EGFLAM: variants seen among roughly 807,000 people sequenced by gnomAD.
EGFLAM encodes the protein pikachurin.
In EGFLAM, 79 loss-of-function variants were observed where a neutral mutation model predicts 113.1. The ratio of observed to expected loss-of-function variants is 0.70; its 90% CI spans 0.58 to 0.84. The LOEUF (loss-of-function observed/expected upper bound fraction) is 0.84, where lower values mean the gene tolerates loss of function less well. Among genes scored for constraint, EGFLAM ranks in the 40% least tolerant of loss-of-function variants. The probability of loss-of-function intolerance (pLI) is 0.00; values close to 1 mark genes in which losing one functional copy is unlikely to be tolerated. For missense variants in EGFLAM, 1,265 were observed against 1,291.6 expected (o/e 0.98, Z 0.32); for synonymous variants, 504 against 487.6 (o/e 1.03, Z -0.44).
intron 17 of EGFLAM, among the ~76,000 whole-genome samples, chr5:38,439,885 C>T (rs1388048856): frequency 1.3e-5 from 2 of 152,188 alleles, no homozygotes; most frequent in Non-Finnish European, 2.9e-5. Flanking sequence ...TTTGTGCTTG[C>T]CGTATATCTA....
At position 38,338,743 on chromosome 5, in the gene EGFLAM, T is replaced by C; in HGVS notation, c.253T>C (p.Leu85=). Residue 85 remains leucine, a synonymous_variant, in exon 3 of 22, where the codon TTG becomes CTG. Transcript: ENST00000322350. ...VGADKSLQEQ[L]HSVPLSRDIP... ...CGCAGATAAATCCCTGCAGGAGCAG[T>C]TGCACAGCGTGCCTCTCAGCCGGGA... 1 of 1,614,252 alleles carries C rather than the reference T, an allele frequency of 6.2e-7. No homozygotes were observed. Among genetic ancestry groups the C allele is most frequent in the Non-Finnish European group, 8.5e-7 (1 of 1,180,040 alleles).
Position 38,299,921 on chromosome 5 carries a change from A to G in EGFLAM, c.98-37599A>G, listed in dbSNP as rs149369964. Among the ~76,000 whole-genome samples the G allele has an allele frequency of 6.3e-4, 96 of 152,326 alleles. 2 individuals are homozygous for G. The East Asian group carries it at 0.016, about 26-fold the overall frequency. ...GGTGTTTGGGATGCCTTAATGAACA[A>G]AAACAGACTCTGTTTTCTGCTGCCA... On this transcript the variant is annotated intron_variant, in intron 1 of 21. Coordinates refer to ENST00000322350, the MANE Select transcript of EGFLAM (RefSeq NM_152403.4).
chr5:38,445,618 A>C, intron 17 of EGFLAM: 4 of 1,598,396 alleles, frequency 2.5e-6, no homozygotes, highest in Non-Finnish European at 3.4e-6. Flanking sequence ...AGTAATTGGG[A>C]TTTGACAAGG....
intron 8 of EGFLAM, 60 bp from the exon 9 acceptor site, chr5:38,407,745 T>C (rs1239891752): frequency 7.6e-7 from 1 of 1,318,770 alleles, no homozygotes; most frequent in Non-Finnish European, 1.1e-6. Context: ...GTATATTGAT[T>C]TTTGCTTTTG....
At chr5:38,417,135 C>T (rs1014118884) in intron 11 of EGFLAM, among the ~76,000 whole-genome samples, 2 of 151,998 alleles carry the variant, frequency 1.3e-5, no homozygotes, top group South Asian at 2.1e-4. Flanking sequence ...AGGTAGATCA[C>T]GAGGTCAGGA....
chr5:38,380,216 G>A (rs568501959), intron 6 of EGFLAM, among the ~76,000 whole-genome samples: 1 of 152,306 alleles, frequency 6.6e-6, no homozygotes, highest in South Asian at 2.1e-4. Context: ...TACTGTTTGG[G>A]CATTTTTCCT....
chr5:38,323,713 C>T (rs532030667), intron 1 of EGFLAM, among the ~76,000 whole-genome samples: 1 of 151,876 alleles, frequency 6.6e-6, no homozygotes, highest in African/African-American at 2.4e-5. Context: ...TCCCACAAGA[C>T]TTCAGAATTA....
intron 1 of EGFLAM, among the ~76,000 whole-genome samples, chr5:38,332,723 C>T (rs1464960284): frequency 6.6e-6 from 1 of 152,192 alleles, no homozygotes; most frequent in Non-Finnish European, 1.5e-5. Flanking sequence ...ATGGGTTGGG[C>T]TAGTTATCTG....
chr5:38,329,063 T>C (rs1003622514), intron 1 of EGFLAM, among the ~76,000 whole-genome samples: 12 of 152,104 alleles, frequency 7.9e-5, no homozygotes, highest in Admixed American at 5.2e-4. Flanking sequence ...GGCGGGAGGA[T>C]TGATTGAGCC....
chr5:38,437,911 G>C (rs1373124013), intron 16 of EGFLAM, among the ~76,000 whole-genome samples: 1 of 152,058 alleles, frequency 6.6e-6, no homozygotes, highest in African/African-American at 2.4e-5. Context: ...ATCACCTGAG[G>C]TCAGGAGTTC....
chr5:38,450,258 G>T (rs1269452418), intron 18 of EGFLAM, among the ~76,000 whole-genome samples: 1 of 152,190 alleles, frequency 6.6e-6, no homozygotes, highest in Non-Finnish European at 1.5e-5. Context: ...GGCAAAGCAG[G>T]TCTCTAGGGA....
At chr5:38,271,707 C>A (rs1561256926) in intron 1 of EGFLAM, among the ~76,000 whole-genome samples, 1 of 152,202 alleles carries the variant, frequency 6.6e-6, no homozygotes, top group African/African-American at 2.4e-5. Context: ...ACTCTTCCAG[C>A]CAGAAGCCAT....
intron 3 of EGFLAM, among the ~76,000 whole-genome samples, chr5:38,341,874 A>G (rs1409209171): frequency 6.6e-6 from 1 of 152,116 alleles, no homozygotes; most frequent in Non-Finnish European, 1.5e-5. Context: ...TGTGCATGGC[A>G]AAAGGGCAGG....
chr5:38,302,709 C>CAAAAAAAAA (rs56012054), intron 1 of EGFLAM, among the ~76,000 whole-genome samples: 1 of 115,450 alleles, frequency 8.7e-6, no homozygotes, highest in African/African-American at 3.0e-5. Flanking sequence ...GTCTGAGAAT[C>CAAAAAAAAA]AAAAAAAAAA....
At chr5:38,423,585 C>T (rs556124227) in intron 12 of EGFLAM, among the ~76,000 whole-genome samples, 7 of 152,300 alleles carry the variant, frequency 4.6e-5, no homozygotes, top group East Asian at 1.9e-4. Context: ...CAGAAATTGG[C>T]GGGGCTCAGG....
intron 17 of EGFLAM, among the ~76,000 whole-genome samples, chr5:38,446,337 C>G (rs1014540461): frequency 6.6e-6 from 1 of 152,110 alleles, no homozygotes; most frequent in Non-Finnish European, 1.5e-5. Context: ...TGTTTCCCGT[C>G]CTTCCTTGCC....
intron 1 of EGFLAM, among the ~76,000 whole-genome samples, chr5:38,304,624 C>T (rs1330822940): frequency 2.0e-5 from 3 of 152,142 alleles, no homozygotes; most frequent in Admixed American, 1.3e-4. Flanking sequence ...CAGTAAAGTT[C>T]ACAGTCAAGA....
intron 6 of EGFLAM, among the ~76,000 whole-genome samples, chr5:38,387,450 C>T (rs1740695632): frequency 6.6e-6 from 1 of 152,220 alleles, no homozygotes; most frequent in South Asian, 2.1e-4. Context: ...ATCTCCTCAT[C>T]TTTTCTCTGA....
Position 38,352,305 on chromosome 5 carries a change from T to C in EGFLAM, c.519T>C (p.Ile173=). 6.2e-7 allele frequency: 1 copy of C among 1,614,052 alleles called. No homozygotes were observed. Among genetic ancestry groups the C allele is most frequent in the South Asian group, 1.1e-5 (1 of 91,072 alleles). ...GAGCGAGTGAAGGAAGCGCCCCTAT[T>C]CAGTACTATTCTGTGGAATTCATCA... The part of the protein sequence containing the change: ...KPGASEGSAP[I]QYYSVEFIRP... Residue 173 remains isoleucine (I), a synonymous_variant, in exon 5 of 22, where the codon ATT becomes ATC. Coordinates refer to ENST00000322350, the MANE Select transcript of EGFLAM (RefSeq NM_152403.4).
Sources: allele counts gnomAD v4.1 joint callset (sites outside exome capture counted in the v4.1 genomes callset), GRCh38; gene constraint gnomAD v4.1.1; transcripts MANE v1.5; gene names NCBI Gene and HGNC (gene_info 2026-07-23, HGNC 2026-07-21).